Variants in NTM observed in about 807,000 individuals in gnomAD.
The protein encoded by NTM is IgLON family member 2.
Under a neutral mutation model 42.1 loss-of-function variants are expected in NTM, and 13 were observed. The observed-to-expected ratio is 0.31, with a 90% CI of 0.20 to 0.49. NTM has a LOEUF of 0.49. Among genes scored for constraint, NTM ranks in the 20% least tolerant of loss-of-function variants. The pLI, the probability that NTM is intolerant of heterozygous loss-of-function variation, is 0.99. For missense variants in NTM, 373 were observed against 452.8 expected, an observed-to-expected ratio of 0.82 and a Z score of 1.60; for synonymous variants, 187 against 179.2, an observed-to-expected ratio of 1.04 and a Z score of -0.35.
intron 3 of NTM, among the ~76,000 whole-genome samples, chr11:132,164,139 T>C (rs1034158361): frequency 5.9e-5 from 9 of 152,184 alleles, no homozygotes; most frequent in Non-Finnish European, 1.2e-4. Flanking sequence ...AAATACAATA[T>C]GGTGGGTAAG....
chr11:132,289,705 C>A (rs1324426219), intron 4 of NTM, among the ~76,000 whole-genome samples: 1 of 152,156 alleles, frequency 6.6e-6, no homozygotes, highest in Admixed American at 6.5e-5. Context: ...GTACTCAGTT[C>A]CGCTGGTCAT....
intron 2 of NTM, among the ~76,000 whole-genome samples, chr11:131,932,214 A>G (rs1433807682): frequency 6.6e-6 from 1 of 152,232 alleles, no homozygotes; most frequent in Non-Finnish European, 1.5e-5. Flanking sequence ...GACAGTGAAC[A>G]AAATACATAC....
At chr11:131,674,813 C>G (rs1466532680) in intron 1 of NTM, among the ~76,000 whole-genome samples, 1 of 152,188 alleles carries the variant, frequency 6.6e-6, no homozygotes, top group Non-Finnish European at 1.5e-5. Flanking sequence ...TATCAGGCAC[C>G]TAAACTCATT....
chr11:131,899,289 G>A (rs572720585), intron 1 of NTM, among the ~76,000 whole-genome samples: 1 of 152,186 alleles, frequency 6.6e-6, no homozygotes, highest in African/African-American at 2.4e-5. Context: ...AAAGCAAGGC[G>A]GGCCAACTAA....
At chr11:132,278,444 C>A (rs755859941) in intron 4 of NTM, among the ~76,000 whole-genome samples, 1 of 152,194 alleles carries the variant, frequency 6.6e-6, no homozygotes, top group South Asian at 2.1e-4. Context: ...AACACCTACA[C>A]GTGGCCTCTC....
chr11:132,194,837 T>TTC (rs1386356455), intron 3 of NTM, among the ~76,000 whole-genome samples: 44 of 144,136 alleles, frequency 3.1e-4, no homozygotes, highest in African/African-American at 1.2e-3. Flanking sequence ...TTTTTTTTTT[T>TTC]TCTGAGACAG....
intron 4 of NTM, among the ~76,000 whole-genome samples, chr11:132,292,519 A>T (rs1194062986): frequency 1.3e-5 from 2 of 152,096 alleles, no homozygotes; most frequent in Non-Finnish European, 2.9e-5. Flanking sequence ...AAGAAGGGGA[A>T]AAATGAACCT....
intron 2 of NTM, among the ~76,000 whole-genome samples, chr11:131,973,654 T>C (rs572004740): frequency 3.3e-5 from 5 of 152,248 alleles, no homozygotes; most frequent in African/African-American, 1.2e-4. Flanking sequence ...CCGTCTCTAC[T>C]AAAAATACAA....
At chr11:132,129,261 G>C (rs75709703) in intron 2 of NTM, among the ~76,000 whole-genome samples, 2 of 152,132 alleles carry the variant, frequency 1.3e-5, no homozygotes, top group Non-Finnish European at 2.9e-5. Flanking sequence ...GCATACAGCT[G>C]TGTACGTATT....
At chr11:132,103,283 A>G (rs1011686973) in intron 2 of NTM, among the ~76,000 whole-genome samples, 7 of 152,218 alleles carry the variant, frequency 4.6e-5, no homozygotes, top group African/African-American at 1.7e-4. Flanking sequence ...TTTGGGGTCC[A>G]CGGTGGCTCC....
intron 1 of NTM, among the ~76,000 whole-genome samples, chr11:131,373,256 C>T (rs1012193809): frequency 2.6e-5 from 4 of 152,186 alleles, no homozygotes; most frequent in Non-Finnish European, 5.9e-5. Flanking sequence ...AATAATCCAC[C>T]CCTATTGCAT....
chr11:131,655,723 C>T (rs1452499703), intron 1 of NTM, among the ~76,000 whole-genome samples: 1 of 152,194 alleles, frequency 6.6e-6, no homozygotes, highest in African/African-American at 2.4e-5. Flanking sequence ...TTCGATCTGA[C>T]TGTGGAAATT....
At chr11:132,044,782 G>T (rs57998856) in intron 2 of NTM, among the ~76,000 whole-genome samples, 1 of 152,108 alleles carries the variant, frequency 6.6e-6, no homozygotes, top group African/African-American at 2.4e-5. Flanking sequence ...AAATCTAGAC[G>T]AAATGGATAA....
chr11:131,828,220 T>C (rs977130226), intron 1 of NTM, among the ~76,000 whole-genome samples: 2 of 152,132 alleles, frequency 1.3e-5, no homozygotes, highest in Non-Finnish European at 2.9e-5. Context: ...GCGTAGCAAG[T>C]ACGTAGTAAA....
intron 6 of NTM, 117 bp from the exon 7 acceptor site, chr11:132,314,426 AATAATGGTT>A: frequency 9.5e-7 from 1 of 1,048,240 alleles, no homozygotes; most frequent in South Asian, 1.7e-5. Context: ...GAGTGGATCA[AATAATGGTT>A]ATAATGATGT....
intron 2 of NTM, among the ~76,000 whole-genome samples, chr11:131,949,531 C>G (rs1297399539): frequency 1.3e-5 from 2 of 152,162 alleles, no homozygotes; most frequent in African/African-American, 4.8e-5. Context: ...TTAGGCGTTG[C>G]ACAAAGAGAA....
intron 1 of NTM, among the ~76,000 whole-genome samples, chr11:131,597,015 C>T (rs980946701): frequency 8.5e-5 from 13 of 152,076 alleles, no homozygotes; most frequent in Admixed American, 2.0e-4. Flanking sequence ...TTCACATTTT[C>T]CTGCCTGCTT....
intron 1 of NTM, among the ~76,000 whole-genome samples, chr11:131,896,032 T>A (rs1341250156): frequency 6.6e-6 from 1 of 152,184 alleles, no homozygotes; most frequent in Non-Finnish European, 1.5e-5. Flanking sequence ...TTCTTGATTG[T>A]CAGTCTTAAG....
intron 2 of NTM, among the ~76,000 whole-genome samples, chr11:131,942,964 G>C (rs940192128): frequency 2.0e-5 from 3 of 151,572 alleles, no homozygotes; most frequent in African/African-American, 4.9e-5. Flanking sequence ...AAAAAAATGC[G>C]TAGAGTTTAG....
Sources: gnomAD v4.1 joint callset for allele counts (sites outside exome capture counted in the v4.1 genomes callset) on GRCh38, gnomAD v4.1.1 for gene constraint, MANE v1.5 for transcripts, NCBI Gene and HGNC (gene_info 2026-07-23, HGNC 2026-07-21) for gene names.